Variants in ZNF385B observed in about 807,000 individuals in gnomAD.
The protein encoded by ZNF385B is zinc finger protein 385B, also known as zinc finger protein 533.
ZNF385B carries 23 observed loss-of-function variants against 39.2 expected under a neutral mutation model. The observed-to-expected ratio is 0.59, with a 90% CI of 0.42 to 0.83. ZNF385B has a LOEUF of 0.83. Ranked by LOEUF, ZNF385B falls within the 40% of genes least tolerant of loss-of-function variation. ZNF385B has a pLI of 0.00. For synonymous variants in ZNF385B, 205 were observed against 222.6 expected (o/e 0.92, Z 0.70); for missense variants, 552 against 598.9 (o/e 0.92, Z 0.82).
At chr2:179,745,023 C>T (rs377662327) in intron 3 of ZNF385B, among the ~76,000 whole-genome samples, 2 of 152,044 alleles carry the variant, frequency 1.3e-5, no homozygotes, top group Admixed American at 1.3e-4. Context: ...CAGGTGAGCA[C>T]AGGTATTTTA....
At chr2:179,587,696 A>G (rs985304269) in intron 3 of ZNF385B, among the ~76,000 whole-genome samples, 1 of 130,358 alleles carries the variant, frequency 7.7e-6, no homozygotes, top group Admixed American at 7.8e-5. Context: ...AGCTCTAAGT[A>G]AAAGGTTTAA....
intron 3 of ZNF385B, among the ~76,000 whole-genome samples, chr2:179,578,576 G>C (rs1686115436): frequency 1.3e-5 from 2 of 152,040 alleles, no homozygotes; most frequent in East Asian, 3.9e-4. Flanking sequence ...TAGTTGCCTT[G>C]CCCAGATACT....
In ZNF385B at chr2:179,471,038, GTTAAAAGCC is replaced by G. The variant is rs771072230; in HGVS notation, c.715+12225_715+12233del. Among the ~76,000 whole-genome samples, 70 of 152,302 alleles carry G rather than the reference GTTAAAAGCC, an allele frequency of 4.6e-4. No individual in the cohort carries two copies. In the South Asian group the frequency reaches 7.2e-3, roughly 16 times the overall value. On this transcript the variant is annotated intron_variant, in intron 6 of 9. Coordinates refer to ENST00000410066, the MANE Select transcript of ZNF385B (RefSeq NM_152520.6). ...ATAGCTCCAAAAATCATCTTGAGCA[GTTAAAAGCC>G]TTAAAATGATATTATTTTAAGAGGG... is the stretch of plus-strand genomic sequence containing the variant.
intron 3 of ZNF385B, among the ~76,000 whole-genome samples, chr2:179,554,682 A>G (rs147017017): frequency 0.012 from 1,727 of 149,272 alleles, 91 homozygotes; most frequent in Admixed American, 0.025. Flanking sequence ...CACTAGATAA[A>G]TGGGCAAAAG....
chr2:179,670,607 G>A (rs1317745222), intron 3 of ZNF385B, among the ~76,000 whole-genome samples: 1 of 152,118 alleles, frequency 6.6e-6, no homozygotes, highest in Non-Finnish European at 1.5e-5. Context: ...TTAATAACTG[G>A]CAAAAGTTCT....
chr2:179,470,858 A>G (rs966008759), intron 6 of ZNF385B, among the ~76,000 whole-genome samples: 1 of 88,188 alleles, frequency 1.1e-5, no homozygotes, highest in African/African-American at 4.2e-5. Context: ...ACTTTGCTGT[A>G]TGTCCCTGAA....
chr2:179,463,064 A>T (rs1164206307), intron 6 of ZNF385B, among the ~76,000 whole-genome samples: 1 of 152,152 alleles, frequency 6.6e-6, no homozygotes, highest in Non-Finnish European at 1.5e-5. Context: ...TAAATAAAAC[A>T]GGGAGAAATG....
intron 6 of ZNF385B, among the ~76,000 whole-genome samples, chr2:179,465,427 C>A (rs2051884513): frequency 1.3e-5 from 2 of 152,150 alleles, no homozygotes; most frequent in South Asian, 4.1e-4. Context: ...AGGATGTCTG[C>A]TTTTAGATAT....
chr2:179,667,722 G>C (rs1317225294), intron 3 of ZNF385B, among the ~76,000 whole-genome samples: 2 of 151,818 alleles, frequency 1.3e-5, no homozygotes, highest in Non-Finnish European at 2.9e-5. Flanking sequence ...AGAGTTTATA[G>C]GGAAGAAGGA....
intron 1 of ZNF385B, among the ~76,000 whole-genome samples, chr2:179,790,602 A>T (rs1336610544): frequency 6.6e-6 from 1 of 152,222 alleles, no homozygotes; most frequent in Admixed American, 6.5e-5. Context: ...ACTATATCAG[A>T]TGTAAAGACT....
intron 5 of ZNF385B, among the ~76,000 whole-genome samples, chr2:179,499,653 G>A (rs1035844301): frequency 6.6e-6 from 1 of 151,860 alleles, no homozygotes; most frequent in Non-Finnish European, 1.5e-5. Flanking sequence ...AATAATAAAA[G>A]CCATATACTA....
At chr2:179,514,275 C>T (rs1311302543) in intron 5 of ZNF385B, 1 of 152,428 alleles carries the variant, frequency 6.6e-6, no homozygotes, top group Non-Finnish European at 1.5e-5. Flanking sequence ...CCAGTGGACT[C>T]CTTGTCAGAT....
At chr2:179,499,077 T>C (rs1368833881) in intron 5 of ZNF385B, among the ~76,000 whole-genome samples, 2 of 151,696 alleles carry the variant, frequency 1.3e-5, no homozygotes, top group African/African-American at 4.8e-5. Flanking sequence ...AGAAGAAATG[T>C]AAAAATTCTT....
chr2:179,854,811 T>C (rs1684452483), intron 1 of ZNF385B, among the ~76,000 whole-genome samples: 1 of 152,220 alleles, frequency 6.6e-6, no homozygotes, highest in African/African-American at 2.4e-5. Flanking sequence ...TCATTATGTC[T>C]TCTTAATTGT....
intron 3 of ZNF385B, among the ~76,000 whole-genome samples, chr2:179,711,187 A>T (rs1699971752): frequency 6.6e-6 from 1 of 152,156 alleles, no homozygotes. Flanking sequence ...TCTATCACTG[A>T]TTTACTCTCG....
intron 3 of ZNF385B, among the ~76,000 whole-genome samples, chr2:179,553,588 A>G (rs546494486): frequency 2.7e-5 from 4 of 149,006 alleles, no homozygotes; most frequent in Admixed American, 2.7e-4. Flanking sequence ...GTTTAGAGTG[A>G]TTAAAATCAC....
chr2:179,786,661 G>T (rs990830497), intron 1 of ZNF385B, among the ~76,000 whole-genome samples: 1 of 151,328 alleles, frequency 6.6e-6, no homozygotes, highest in African/African-American at 2.4e-5. Context: ...CTTCCCTGGA[G>T]CCTAAAGGCA....
intron 3 of ZNF385B, among the ~76,000 whole-genome samples, chr2:179,740,792 A>T (rs2106449498): frequency 6.6e-6 from 1 of 152,304 alleles, no homozygotes; most frequent in African/African-American, 2.4e-5. Context: ...AAACTAGTAG[A>T]AGAAGTAACG....
chr2:179,733,520 C>T (rs546756483), intron 3 of ZNF385B, among the ~76,000 whole-genome samples: 1 of 152,202 alleles, frequency 6.6e-6, no homozygotes, highest in Non-Finnish European at 1.5e-5. Context: ...TGGTGGCTCA[C>T]ACCTGTAATC....
Sources: allele counts gnomAD v4.1 joint callset (sites outside exome capture counted in the v4.1 genomes callset), GRCh38; gene constraint gnomAD v4.1.1; transcripts MANE v1.5; gene names NCBI Gene and HGNC (gene_info 2026-07-23, HGNC 2026-07-21).